Variants in SNCAIP observed in about 807,000 individuals in gnomAD.
The protein encoded by SNCAIP is synphilin-1.
A neutral mutation model predicts 86.7 loss-of-function variants in SNCAIP; 43 were observed. The ratio of observed to expected loss-of-function variants is 0.50; its 90% CI spans 0.39 to 0.64. The LOEUF (loss-of-function observed/expected upper bound fraction) is 0.64, where lower values mean the gene tolerates loss of function less well. Among genes scored for constraint, SNCAIP ranks in the 30% least tolerant of loss-of-function variants. The pLI is 0.00. For synonymous variants in SNCAIP, 417 were observed against 427.2 expected, an observed-to-expected ratio of 0.98 and a Z score of 0.29; for missense variants, 981 against 1,103.1, an observed-to-expected ratio of 0.89 and a Z score of 1.57.
chr5:122,348,668 A>AT (rs1222412058), intron 1 of SNCAIP, among the ~76,000 whole-genome samples: 1 of 152,154 alleles, frequency 6.6e-6, no homozygotes, highest in East Asian at 1.9e-4. Flanking sequence ...TGAGTCACAT[A>AT]TAAACCCATT....
intron 7 of SNCAIP, chr5:122,443,819 C>T: frequency 2.6e-6 from 1 of 381,566 alleles, no homozygotes. Flanking sequence ...TGCTGACTCT[C>T]CAGTGAGTGC....
At chr5:122,427,530 A>G (rs1218850038) in intron 5 of SNCAIP, among the ~76,000 whole-genome samples, 1 of 152,196 alleles carries the variant, frequency 6.6e-6, no homozygotes, top group African/African-American at 2.4e-5. Flanking sequence ...AGCAGTAAAT[A>G]CAAATATTTT....
At chr5:122,358,380 G>C (rs1053505131) in intron 1 of SNCAIP, among the ~76,000 whole-genome samples, 43 of 116,278 alleles carry the variant, frequency 3.7e-4, no homozygotes, top group African/African-American at 1.4e-3. Context: ...AATAGGCCCT[G>C]TAAGGGGACA....
chr5:122,454,763 C>T (rs1000087296), intron 10 of SNCAIP, among the ~76,000 whole-genome samples: 16 of 152,194 alleles, frequency 1.1e-4, no homozygotes, highest in African/African-American at 3.6e-4. Context: ...AAGAATACTT[C>T]TTATTTCTTC....
intron 1 of SNCAIP, among the ~76,000 whole-genome samples, chr5:122,326,653 G>A (rs1178663727): frequency 9.0e-6 from 1 of 110,802 alleles, no homozygotes; most frequent in Non-Finnish European, 1.7e-5. Context: ...ATTAAGTAGA[G>A]TCAAGGGAGG....
intron 2 of SNCAIP, among the ~76,000 whole-genome samples, chr5:122,395,792 G>T (rs1213276093): frequency 6.6e-6 from 1 of 152,128 alleles, no homozygotes; most frequent in African/African-American, 2.4e-5. Context: ...CATGGGCAAA[G>T]AATACAGCTT....
intron 1 of SNCAIP, among the ~76,000 whole-genome samples, chr5:122,318,514 T>A (rs1202359292): frequency 6.6e-6 from 1 of 152,184 alleles, no homozygotes; most frequent in Non-Finnish European, 1.5e-5. Context: ...ATCTCAAAAA[T>A]TTTTAAATAA....
At chr5:122,427,593 G>A (rs1197701855) in intron 5 of SNCAIP, among the ~76,000 whole-genome samples, 2 of 152,032 alleles carry the variant, frequency 1.3e-5, no homozygotes, top group Non-Finnish European at 2.9e-5. Flanking sequence ...TTTTGTCTCA[G>A]TCCATTCAGT....
At chr5:122,414,634 A>G (rs10066937) in intron 3 of SNCAIP, among the ~76,000 whole-genome samples, 122,340 of 152,184 alleles carry the variant, frequency 0.8, 49,681 homozygotes, top group African/African-American at 0.93. Flanking sequence ...GAGTGAATCC[A>G]AAATGAGTAC....
At chr5:122,442,685 A>G (rs1034653832) in intron 7 of SNCAIP, among the ~76,000 whole-genome samples, 2 of 152,370 alleles carry the variant, frequency 1.3e-5, no homozygotes, top group African/African-American at 2.4e-5. Flanking sequence ...CTTGAAACAA[A>G]CTTTTAAGCA....
rs561052216 is a variant in SNCAIP at position 122,386,432 on chromosome 5, G to A, written c.-46-4657G>A. ...GTTGATAGACCCATTAGGGGCATAA[G>A]CCCCTCACACACACTTTAATAGGCA... On this transcript the variant is annotated intron_variant, in intron 1 of 10. Transcript: ENST00000261368. Among the ~76,000 whole-genome samples, 339 of 152,290 alleles carry A rather than the reference G, an allele frequency of 2.2e-3. 1 individual carries two copies. Among genetic ancestry groups the A allele is most frequent in the South Asian group, 7.5e-3 (36 of 4,832 alleles).
At chr5:122,380,583 C>T (rs1017411843) in intron 1 of SNCAIP, among the ~76,000 whole-genome samples, 1 of 149,800 alleles carries the variant, frequency 6.7e-6, no homozygotes. Flanking sequence ...CTTCTGCTAG[C>T]TTTTGAATGT....
At chr5:122,408,664 G>A (rs948458396) in intron 3 of SNCAIP, among the ~76,000 whole-genome samples, 1 of 152,198 alleles carries the variant, frequency 6.6e-6, no homozygotes, top group Non-Finnish European at 1.5e-5. Flanking sequence ...AGAAAGAAAG[G>A]AAGTGCAAGG....
intron 2 of SNCAIP, among the ~76,000 whole-genome samples, chr5:122,392,402 C>G (rs1002026053): frequency 6.6e-6 from 1 of 150,748 alleles, no homozygotes; most frequent in African/African-American, 2.4e-5. Flanking sequence ...GTCTGCCACT[C>G]TCTCTCTCTC....
chr5:122,404,794 A>T (rs998545175), intron 3 of SNCAIP, among the ~76,000 whole-genome samples: 1 of 152,164 alleles, frequency 6.6e-6, no homozygotes, highest in African/African-American at 2.4e-5. Flanking sequence ...TACAAAGCTA[A>T]TTTACTTTTC....
intron 4 of SNCAIP, 83 bp downstream of exon 4, chr5:122,423,822 T>C: frequency 8.0e-7 from 1 of 1,256,430 alleles, no homozygotes; most frequent in Non-Finnish European, 1.1e-6. Context: ...AACAGAACGA[T>C]GCTGCATTTG....
intron 1 of SNCAIP, among the ~76,000 whole-genome samples, chr5:122,325,574 A>G (rs1350373457): frequency 1.3e-5 from 2 of 152,160 alleles, no homozygotes; most frequent in African/African-American, 2.4e-5. Flanking sequence ...TTTACTAAAC[A>G]ACTCTCAAAT....
chr5:122,436,145 C>G (rs1317029480), intron 6 of SNCAIP, among the ~76,000 whole-genome samples: 1 of 151,938 alleles, frequency 6.6e-6, no homozygotes, highest in African/African-American at 2.4e-5. Flanking sequence ...CAAACTGTCT[C>G]CATTGTCATC....
intron 1 of SNCAIP, among the ~76,000 whole-genome samples, chr5:122,318,952 G>A (rs1752373198): frequency 3.4e-5 from 5 of 148,156 alleles, no homozygotes; most frequent in Admixed American, 6.7e-5. Flanking sequence ...GGTAGGAGGC[G>A]TCACTGTTAT....
Sources: gnomAD v4.1 joint callset for allele counts (sites outside exome capture counted in the v4.1 genomes callset) on GRCh38, gnomAD v4.1.1 for gene constraint, MANE v1.5 for transcripts, NCBI Gene and HGNC (gene_info 2026-07-23, HGNC 2026-07-21) for gene names.